CPNE8: variants seen among roughly 807,000 people sequenced by gnomAD.
CPNE8 encodes copine-8.
In CPNE8, 45 loss-of-function variants were observed where a neutral mutation model predicts 81.5. The ratio of observed to expected loss-of-function variants is 0.55; its 90% CI spans 0.44 to 0.71. The LOEUF (loss-of-function observed/expected upper bound fraction) is 0.71. Ranked by LOEUF, CPNE8 falls within the 30% of genes least tolerant of loss-of-function variation. CPNE8 has a pLI of 0.00. For synonymous variants in CPNE8, 252 were observed against 226.3 expected (o/e 1.11, Z -1.02); for missense variants, 594 against 672.1 (o/e 0.88, Z 1.28).
intron 1 of CPNE8, among the ~76,000 whole-genome samples, chr12:38,887,287 A>G (rs989026950): frequency 3.9e-5 from 6 of 152,144 alleles, no homozygotes; most frequent in Non-Finnish European, 8.8e-5. Context: ...CTCTCCAGGC[A>G]GGGGGTACTA....
At chr12:38,657,433 C>T (rs557516265) in intron 19 of CPNE8, among the ~76,000 whole-genome samples, 1 of 152,290 alleles carries the variant, frequency 6.6e-6, no homozygotes, top group African/African-American at 2.4e-5. Context: ...TCTATAAACG[C>T]CACCTCTGTG....
rs186654758 is a variant in CPNE8 at position 38,873,899 on chromosome 12, T to A, written c.139+572A>T. 9.3e-3 allele frequency among the ~76,000 whole-genome samples: 1,419 copies of A among 152,300 alleles called. 19 individuals carry two copies. Among genetic ancestry groups the A allele is most frequent in the South Asian group, 0.039 (187 of 4,822 alleles). ...ATCAAACACTTTGGTTCATATCAGA[T>A]GTTACATATTTCACTTGGTTGTAAA... On this transcript the variant is annotated intron_variant, in intron 2 of 19. Coordinates refer to ENST00000331366, the MANE Select transcript of CPNE8 (RefSeq NM_153634.3).
At position 38,897,259 on chromosome 12, in the gene CPNE8, G is replaced by A. The variant is rs539160197; in HGVS notation, c.98+8178C>T. Among the ~76,000 whole-genome samples the A allele has an allele frequency of 4.6e-5, 7 of 152,072 alleles. No individual in the cohort carries two copies. In the South Asian group the frequency reaches 8.3e-4, roughly 18 times the overall value. On this transcript the variant is annotated intron_variant, in intron 1 of 19. Transcript: ENST00000331366. The stretch of plus-strand genomic sequence containing the variant: ...GCCAGTAGCTTAGCCTTGATTCTGC[G>A]TATTTAAATAGGAATGGGATGGAAG...
intron 6 of CPNE8, among the ~76,000 whole-genome samples, chr12:38,792,932 T>C (rs529241850): frequency 1.3e-5 from 2 of 151,762 alleles, no homozygotes; most frequent in African/African-American, 4.8e-5. Context: ...GTTCAACATA[T>C]GAAAATCAAT....
At position 38,711,626 on chromosome 12, in the gene CPNE8, G is replaced by A. The variant is rs534949117; in HGVS notation, c.915-8705C>T. Among the ~76,000 whole-genome samples the A allele has an allele frequency of 3.3e-5, 5 of 152,136 alleles. No individual in the cohort carries two copies. The South Asian group carries it at 6.2e-4, about 19-fold the overall frequency. ...TGGGATTACAGGCATGCGCCACCAC[G>A]CCCAGATAACTGTTGTATTTGTAGT... On this transcript the variant is annotated intron_variant, in intron 13 of 19. Coordinates refer to ENST00000331366, the MANE Select transcript of CPNE8 (RefSeq NM_153634.3).
Position 38,664,507 on chromosome 12 carries a change from ATC to A in CPNE8, c.1506+6220_1506+6221del, listed in dbSNP as rs1426302680. Among the ~76,000 whole-genome samples, 4 of 152,122 alleles carry A rather than the reference ATC, an allele frequency of 2.6e-5. 1 individual carries two copies. Among genetic ancestry groups the A allele is most frequent in the Non-Finnish European group, 5.9e-5 (4 of 67,990 alleles). ...TATAAGGAAGATTATTATTAATTTT[ATC>A]TCTTTCAAATTTGAGTACAGTATCA... On this transcript the variant is annotated intron_variant, in intron 19 of 19. Transcript: ENST00000331366.
At chr12:38,701,765 AT>A (rs1352922612) in intron 14 of CPNE8, among the ~76,000 whole-genome samples, 14 of 152,194 alleles carry the variant, frequency 9.2e-5, no homozygotes, top group Non-Finnish European at 1.5e-5. Context: ...AAGTGCTGGT[AT>A]TACAGGCATG....
At chr12:38,902,393 G>GTAAGAAAGAA in intron 1 of CPNE8, among the ~76,000 whole-genome samples, 1 of 54,676 alleles carries the variant, frequency 1.8e-5, no homozygotes, top group East Asian at 6.6e-4. Context: ...AAGAAAGAAA[G>GTAAGAAAGAA]AGAAAGAAAG....
In CPNE8 at chr12:38,877,912, T is replaced by A. The variant is rs573172093; in HGVS notation, c.99-3401A>T. ...ATCCTTAGTCACAGTATAAGGAGAC[T>A]GGCACAAGATGCAGGTCATAAAGAC... is the stretch of plus-strand genomic sequence containing the variant. On this transcript the variant is annotated intron_variant, in intron 1 of 19. Transcript: ENST00000331366. 2.6e-5 allele frequency among the ~76,000 whole-genome samples: 4 copies of A among 152,284 alleles called. No homozygotes were observed. The East Asian group carries it at 5.8e-4, about 22-fold the overall frequency.
At chr12:38,832,959 A>G (rs767347915) in intron 5 of CPNE8, among the ~76,000 whole-genome samples, 5 of 152,168 alleles carry the variant, frequency 3.3e-5, no homozygotes, top group Non-Finnish European at 5.9e-5. Flanking sequence ...GAGATAATAC[A>G]AAGTTCTAAA....
upstream of CPNE8, chr12:38,906,108 T>C (rs116876628): frequency 0.013 from 12,989 of 986,056 alleles, 98 homozygotes; most frequent in Non-Finnish European, 0.015. Context: ...AACTGCCCCG[T>C]TATAAGGTCC....
intron 10 of CPNE8, among the ~76,000 whole-genome samples, chr12:38,734,371 A>G (rs918380704): frequency 6.6e-6 from 1 of 152,062 alleles, no homozygotes; most frequent in African/African-American, 2.4e-5. Context: ...TATCTCCTTA[A>G]AATAACTCTG....
chr12:38,784,395 C>T (rs1366110392), intron 6 of CPNE8, among the ~76,000 whole-genome samples: 1 of 152,210 alleles, frequency 6.6e-6, no homozygotes, highest in East Asian at 1.9e-4. Flanking sequence ...AAGGGCAAAT[C>T]TAAAAGCTAC....
chr12:38,704,959 G>A (rs1420179410), intron 13 of CPNE8, among the ~76,000 whole-genome samples: 1 of 142,382 alleles, frequency 7.0e-6, no homozygotes, highest in Non-Finnish European at 1.5e-5. Flanking sequence ...TGAGGTAGTG[G>A]TAGTCACATA....
rs1305817276 is a variant in CPNE8, at chr12:38,652,462, G to A, written c.*1420C>T. 1.3e-5 allele frequency: 2 copies of A among 152,390 alleles called. No homozygotes were observed. Among genetic ancestry groups the A allele is most frequent in the Admixed American group, 1.3e-4 (2 of 15,240 alleles). The allele number at this position is 152,390 out of a possible 1,614,324, so 9.4% of individuals were successfully genotyped here. On this transcript the variant is annotated 3_prime_UTR_variant, in exon 20 of 20. Coordinates refer to ENST00000331366, the MANE Select transcript of CPNE8 (RefSeq NM_153634.3). ...GTGGATGTATATATTTTTCTTTCCA[G>A]TAAAATAGTTTCATGCTTATAAAAG...
At chr12:38,885,935 A>G (rs1944231656) in intron 1 of CPNE8, among the ~76,000 whole-genome samples, 1 of 152,064 alleles carries the variant, frequency 6.6e-6, no homozygotes, top group Non-Finnish European at 1.5e-5. Flanking sequence ...GCCTTCCACC[A>G]TGATTGAAAG....
At chr12:38,776,617 A>G (rs983261105) in intron 6 of CPNE8, among the ~76,000 whole-genome samples, 1 of 152,012 alleles carries the variant, frequency 6.6e-6, no homozygotes, top group African/African-American at 2.4e-5. Context: ...GCCCTCAATG[A>G]GACTAAACTT....
In CPNE8 at chr12:38,754,541, C is replaced by A. The variant is rs151032192; in HGVS notation, c.722+6306G>T. ...AATGAGTGCTCAATAACAATTTCTT[C>A]ATAAATTAATTAATATAATTTCTAT... On this transcript the variant is annotated intron_variant, in intron 10 of 19. Transcript: ENST00000331366. 4.7e-3 allele frequency among the ~76,000 whole-genome samples: 711 copies of A among 151,660 alleles called. 5 individuals are homozygous for A. Among genetic ancestry groups the A allele is most frequent in the African/African-American group, 0.016 (660 of 41,330 alleles).
At chr12:38,686,631 C>T (rs181950692) in intron 15 of CPNE8, among the ~76,000 whole-genome samples, 2 of 152,174 alleles carry the variant, frequency 1.3e-5, no homozygotes, top group African/African-American at 2.4e-5. Context: ...CAGCTCAGCA[C>T]GGTGGTTCCT....
Sources: gnomAD v4.1 joint callset for allele counts (sites outside exome capture counted in the v4.1 genomes callset) on GRCh38, gnomAD v4.1.1 for gene constraint, MANE v1.5 for transcripts, NCBI Gene and HGNC (gene_info 2026-07-23, HGNC 2026-07-21) for gene names.